Variants in PDE6A observed in about 807,000 individuals in gnomAD.
The protein encoded by PDE6A is rod cGMP-specific 3',5'-cyclic phosphodiesterase subunit alpha.
PDE6A carries 84 observed loss-of-function variants against 106.3 expected under a neutral mutation model. That is an observed-to-expected ratio of 0.79 (90% confidence interval 0.66 to 0.95). The LOEUF (loss-of-function observed/expected upper bound fraction) is 0.95. Among genes scored for constraint, PDE6A ranks in the 40% least tolerant of loss-of-function variants. The pLI, the probability that PDE6A is intolerant of heterozygous loss-of-function variation, is 0.00. For synonymous variants in PDE6A, 394 were observed against 386.6 expected, an observed-to-expected ratio of 1.02 and a Z score of -0.23; for missense variants, 1,052 against 1,084.9, an observed-to-expected ratio of 0.97 and a Z score of 0.43.
At chr5:149,877,921 T>C (rs1760798361) in intron 17 of PDE6A, among the ~76,000 whole-genome samples, 2 of 152,196 alleles carry the variant, frequency 1.3e-5, no homozygotes, top group African/African-American at 4.8e-5. Flanking sequence ...CTTGAGTTTG[T>C]ACCAATTTTG....
chr5:149,930,416 CTG>C (rs1753998263), intron 4 of PDE6A, among the ~76,000 whole-genome samples: 1 of 152,204 alleles, frequency 6.6e-6, no homozygotes, highest in Non-Finnish European at 1.5e-5. Context: ...CTCTGAAACT[CTG>C]TTTCAAGGCA....
rs1438607277 is a variant in PDE6A at position 149,919,588 on chromosome 5, A to T, written c.933+2047T>A. On this transcript the variant is annotated intron_variant, in intron 5 of 21. Transcript: ENST00000255266. ...TTTCTTTCCCAGAATTAACAAAAAG[A>T]TCAGTGTGCTTTGGGTAACTAGGCT... Among the ~76,000 whole-genome samples the T allele has an allele frequency of 3.9e-5, 6 of 152,226 alleles. No individual in the cohort carries two copies. In the South Asian group the frequency reaches 1.2e-3, roughly 32 times the overall value.
At chr5:149,891,045 C>T (rs1023495243) in intron 13 of PDE6A, among the ~76,000 whole-genome samples, 1 of 152,134 alleles carries the variant, frequency 6.6e-6, no homozygotes, top group African/African-American at 2.4e-5. Flanking sequence ...CATAAGGAGT[C>T]CCGATGGCCT....
In PDE6A at chr5:149,934,597, T is replaced by C; in HGVS notation, c.596A>G (p.Asp199Gly). ...ATCTCTCTTGGTGAAGTGGGATCCATCCACTTTATTCACAGCCATGATTAT... is the reference window on the plus strand; with the variant it reads ...ATCTCTCTTGGTGAAGTGGGATCCACCCACTTTATTCACAGCCATGATTAT... ...VAIIMAVNKVDGSHFTKRDEE... is the reference protein window; with the variant it reads ...VAIIMAVNKVGGSHFTKRDEE... The change falls in exon 2 of 22, where the codon GAT becomes GGT. Residue 199 changes from aspartate to glycine, a missense_variant. Physicochemically the swap from Asp to Gly is moderately conservative, Grantham distance 94 (BLOSUM62 -1). Transcript: ENST00000255266. The C allele has an allele frequency of 6.2e-7, 1 of 1,614,086 alleles. No homozygotes were observed. The highest frequency in any genetic ancestry group is 1.7e-5 in the Admixed American group (1 of 60,026).
At chr5:149,927,978 C>A (rs1230735763) in intron 4 of PDE6A, among the ~76,000 whole-genome samples, 2 of 151,752 alleles carry the variant, frequency 1.3e-5, no homozygotes, top group East Asian at 3.9e-4. Flanking sequence ...GGGGCAAAAA[C>A]ACGCATGGAG....
chr5:149,925,228 CT>C (rs1753836652), intron 4 of PDE6A, among the ~76,000 whole-genome samples: 1 of 152,072 alleles, frequency 6.6e-6, no homozygotes, highest in African/African-American at 2.4e-5. Flanking sequence ...TAGAAGATGC[CT>C]ATAAATATTA....
chr5:149,931,046 T>G lies in PDE6A; in HGVS notation c.840A>C (p.Leu280Phe). The change falls in exon 4 of 22, where the codon TTA (leucine) becomes TTC (phenylalanine). Residue 280 changes from leucine (L) to phenylalanine (F), a missense_variant. By Grantham distance (22) the Leu-to-Phe change is conservative (BLOSUM62 0). This residue lies in a region of PDE6A where 913 missense variants were observed against 915.2 expected (regional missense o/e 1.00). Transcript: ENST00000255266. ...LNCDRYSVGL[L>F]DMTKQKEFFD... ...TTCTCACCTTCTGCTTGGTCATGTC[T>G]AAGAGACCCACAGAGTATCTGTCAC... is the stretch of plus-strand genomic sequence containing the variant. 1 of 1,614,124 alleles carries G rather than the reference T, an allele frequency of 6.2e-7. No individual in the cohort carries two copies. The highest frequency in any genetic ancestry group is 1.1e-5 in the South Asian group (1 of 91,084).
intron 1 of PDE6A, among the ~76,000 whole-genome samples, chr5:149,938,150 G>A (rs1316993116): frequency 1.3e-5 from 2 of 152,166 alleles, no homozygotes; most frequent in Non-Finnish European, 2.9e-5. Context: ...ACCCAGATAA[G>A]GAGAAACTTG....
intron 17 of PDE6A, among the ~76,000 whole-genome samples, chr5:149,877,022 G>A (rs982218902): frequency 6.6e-6 from 1 of 152,050 alleles, no homozygotes; most frequent in Non-Finnish European, 1.5e-5. Context: ...AAAAAAAATT[G>A]TAAAGACAGA....
At chr5:149,892,946 C>T (rs762436033) in intron 13 of PDE6A, among the ~76,000 whole-genome samples, 1 of 152,196 alleles carries the variant, frequency 6.6e-6, no homozygotes, top group Non-Finnish European at 1.5e-5. Flanking sequence ...CAGATCCACT[C>T]CTGCTGAAAA....
At chr5:149,909,532 C>T (rs1753307659) in intron 6 of PDE6A, among the ~76,000 whole-genome samples, 1 of 152,162 alleles carries the variant, frequency 6.6e-6, no homozygotes, top group African/African-American at 2.4e-5. Flanking sequence ...TCCCTTCATT[C>T]CACACACACC....
chr5:149,881,583 TG>T (rs1396729737), intron 17 of PDE6A, among the ~76,000 whole-genome samples: 1 of 152,118 alleles, frequency 6.6e-6, no homozygotes, highest in African/African-American at 2.4e-5. Flanking sequence ...CAATAGATAC[TG>T]GGGACTACAC....
At position 149,899,463 on chromosome 5, in the gene PDE6A, T is replaced by C; in HGVS notation, c.1175A>G (p.Asn392Ser). 3 of 1,614,174 alleles carry C rather than the reference T, an allele frequency of 1.9e-6. No homozygotes were observed. In the South Asian group the frequency reaches 3.3e-5, roughly 18 times the overall value. ...IKNVLSMPIVNKKEEIVGVAT... is the reference protein window; with the variant it reads ...IKNVLSMPIVSKKEEIVGVAT... ...CACTCCAACAATTTCTTCCTTCTTGTTCACAATCGGCATTGAAAGCACATT... is the reference window on the plus strand; with the variant it reads ...CACTCCAACAATTTCTTCCTTCTTGCTCACAATCGGCATTGAAAGCACATT... Residue 392 changes from asparagine to serine, a missense_variant, in exon 9 of 22, where the codon AAC becomes AGC. Coordinates refer to ENST00000255266, the MANE Select transcript of PDE6A (RefSeq NM_000440.3).
chr5:149,942,659 A>T (rs915147588), intron 1 of PDE6A, among the ~76,000 whole-genome samples: 3 of 151,974 alleles, frequency 2.0e-5, no homozygotes, highest in African/African-American at 7.3e-5. Flanking sequence ...GTATTTATTG[A>T]TCACTATCTC....
chr5:149,862,151 A>C (rs543810771), intron 21 of PDE6A, among the ~76,000 whole-genome samples: 2 of 152,324 alleles, frequency 1.3e-5, no homozygotes, highest in Admixed American at 6.5e-5. Context: ...AGGGAGGGAC[A>C]AGATGCCATG....
At chr5:149,880,605 C>T (rs950676219) in intron 17 of PDE6A, among the ~76,000 whole-genome samples, 1 of 151,662 alleles carries the variant, frequency 6.6e-6, no homozygotes, top group Non-Finnish European at 1.5e-5. Flanking sequence ...CCCAGCTACT[C>T]AGGAGGCTGA....
intron 4 of PDE6A, among the ~76,000 whole-genome samples, chr5:149,928,008 C>T (rs1000632001): frequency 6.6e-6 from 1 of 151,536 alleles, no homozygotes; most frequent in Non-Finnish European, 1.5e-5. Context: ...CCTATGATAA[C>T]AATGCTTTCT....
chr5:149,932,818 C>A, intron 3 of PDE6A: 3 of 727,306 alleles, frequency 4.1e-6, no homozygotes, highest in Non-Finnish European at 6.7e-6. Context: ...ACACTTTTGT[C>A]CCCCTCCGCC....
Position 149,921,726 on chromosome 5 carries a change from C to T in PDE6A, c.859-17G>A, listed in dbSNP as rs1472971271. On this transcript the variant is annotated splice_polypyrimidine_tract_variant and intron_variant, in intron 4 of 21. Transcript: ENST00000255266. ...AAAAAATTCCTAGGAATGAGAAAAACAATAATTACATGTTTTGAAAAGAGA... is the reference window on the plus strand; with the variant it reads ...AAAAAATTCCTAGGAATGAGAAAAATAATAATTACATGTTTTGAAAAGAGA... The T allele has an allele frequency of 1.3e-6, 2 of 1,598,306 alleles. No homozygotes were observed. Among genetic ancestry groups the T allele is most frequent in the Non-Finnish European group, 1.7e-6 (2 of 1,166,076 alleles).
Sources: allele counts gnomAD v4.1 joint callset (sites outside exome capture counted in the v4.1 genomes callset), GRCh38; gene constraint gnomAD v4.1.1; regional missense constraint gnomAD v4.1.1; transcripts MANE v1.5; gene names NCBI Gene and HGNC (gene_info 2026-07-23, HGNC 2026-07-21).